RPS15: variants seen among roughly 807,000 people sequenced by gnomAD.
RPS15 encodes the protein small ribosomal subunit protein uS19.
RPS15 carries 5 observed loss-of-function variants against 14.9 expected under a neutral mutation model. The ratio of observed to expected loss-of-function variants is 0.34; its 90% CI spans 0.18 to 0.70. RPS15 has a LOEUF of 0.70. Ranked by LOEUF, RPS15 falls within the 30% of genes least tolerant of loss-of-function variation. The pLI is 0.65. For synonymous variants in RPS15, 103 were observed against 85.0 expected, an observed-to-expected ratio of 1.21 and a Z score of -1.16; for missense variants, 102 against 204.2, an observed-to-expected ratio of 0.50 and a Z score of 3.05.
Position 1,438,697 on chromosome 19 carries a change from C to G in RPS15, c.4-110C>G. 6.5e-7 allele frequency: 1 copy of G among 1,531,398 alleles called. No individual in the cohort carries two copies. The highest frequency in any genetic ancestry group is 8.8e-7 in the Non-Finnish European group (1 of 1,131,830). 94.9% of individuals were successfully genotyped at this position (1,531,398 alleles called of 1,614,324 possible). On this transcript the variant is annotated intron_variant, in intron 1 of 3. Coordinates refer to ENST00000592588, the MANE Select transcript of RPS15 (RefSeq NM_001018.5). The surrounding 1 kb of genome is among the most constrained non-coding windows in gnomAD (Gnocchi z 4.8). Reference sequence around the variant, plus strand: ...ACGGGTCGAAGCGGTGTGTCCCTGTCGGGCTTCTGTCCCCGGCGGCGCCGC... The same window carrying G: ...ACGGGTCGAAGCGGTGTGTCCCTGTGGGGCTTCTGTCCCCGGCGGCGCCGC...
Position 1,438,549 on chromosome 19 carries a change from G to A in RPS15, c.3+121G>A, listed in dbSNP as rs1409546182. The A allele has an allele frequency of 1.3e-6, 2 of 1,583,444 alleles. No individual in the cohort carries two copies. Among genetic ancestry groups the A allele is most frequent in the Admixed American group, 1.8e-5 (1 of 55,560 alleles). Reference sequence around the variant, plus strand: ...CGGCGGCTTGCTCCCGACCCTGCAGGCGGCTGGATGTTGGGGCGAGGGGCG... The same window carrying A: ...CGGCGGCTTGCTCCCGACCCTGCAGACGGCTGGATGTTGGGGCGAGGGGCG... On this transcript the variant is annotated intron_variant, in intron 1 of 3. Coordinates refer to ENST00000592588, the MANE Select transcript of RPS15 (RefSeq NM_001018.5). This position sits in a 1 kb window ranked among gnomAD's most constrained non-coding sequence, Gnocchi z 4.8.
In RPS15 at chr19:1,438,643, T is replaced by TA. The variant is rs1262218674; in HGVS notation, c.4-162dup. ...CCGGGCCTTCATGTCCGGGTCCTCG[T>TA]AACCCGGAGCCGCGAGTGATCCCCG... On this transcript the variant is annotated intron_variant, in intron 1 of 3. Transcript: ENST00000592588. This position sits in a 1 kb window ranked among gnomAD's most constrained non-coding sequence, Gnocchi z 4.8. 6.5e-7 allele frequency: 1 copy of TA among 1,530,920 alleles called. No homozygotes were observed. The highest frequency in any genetic ancestry group is 2.5e-5 in the East Asian group (1 of 40,606). The allele number at this position is 1,530,920 out of a possible 1,614,324, so 94.8% of individuals were successfully genotyped here.
At chr19:1,439,221 C>T (rs2083633788) in intron 2 of RPS15, 2 of 330,292 alleles carry the variant, frequency 6.1e-6, no homozygotes, top group Non-Finnish European at 1.1e-5. Flanking sequence ...GGGTCCTTTC[C>T]AGGCAGGGTG....
At chr19:1,439,842 C>G (rs1291853114) in intron 2 of RPS15, 177 bp from the exon 3 acceptor site, 1 of 653,182 alleles carries the variant, frequency 1.5e-6, no homozygotes, top group Non-Finnish European at 2.8e-6. Flanking sequence ...TCGCGCATAT[C>G]TGGCGGGGGT....
rs768761662 is a variant in RPS15 at position 1,440,187 on chromosome 19, A to G, written c.258A>G (p.Leu86=). The G allele has an allele frequency of 6.2e-7, 1 of 1,612,882 alleles. No individual in the cohort carries two copies. The highest frequency in any genetic ancestry group is 1.3e-5 in the African/African-American group (1 of 74,926). Residue 86 remains leucine (L), a synonymous_variant, in exon 3 of 4, where the codon CTA becomes CTG. Transcript: ENST00000592588. ...VKTHLRDMII[L]PEMVGSMVGV... is the part of the protein sequence containing the mutation. ...CGCACCTGCGGGACATGATCATCCT[A>G]CCCGAGATGGTGGGCAGCATGGTGG...
At position 1,438,678 on chromosome 19, in the gene RPS15, C is replaced by A; in HGVS notation, c.4-129C>A. The A allele has an allele frequency of 6.5e-7, 1 of 1,532,084 alleles. No homozygotes were observed. Among genetic ancestry groups the A allele is most frequent in the South Asian group, 1.2e-5 (1 of 83,320 alleles). The allele number at this position is 1,532,084 out of a possible 1,614,324, so 94.9% of individuals were successfully genotyped here. A position where few individuals can be genotyped will look rare whatever the true frequency, so the allele number is the denominator to read the frequency against. On this transcript the variant is annotated intron_variant, in intron 1 of 3. Coordinates refer to ENST00000592588, the MANE Select transcript of RPS15 (RefSeq NM_001018.5). The surrounding 1 kb of genome is among the most constrained non-coding windows in gnomAD (Gnocchi z 4.8). ...CCGCGAGTGATCCCCGGGGACGGGT[C>A]GAAGCGGTGTGTCCCTGTCGGGCTT...
chr19:1,439,116 T>G (rs538748113), intron 2 of RPS15: 5 of 544,554 alleles, frequency 9.2e-6, no homozygotes, highest in Middle Eastern at 4.9e-4. Context: ...TTTCCGCGGC[T>G]TAGTTGGAAG....
At chr19:1,439,197 C>A (rs1009950655) in intron 2 of RPS15, 1 of 363,872 alleles carries the variant, frequency 2.7e-6, no homozygotes, top group Non-Finnish European at 4.9e-6. Context: ...ATTTTAAGGG[C>A]GGTGGAGGTC....
rs1172700836 is a variant in RPS15, at chr19:1,438,840, C to T, written c.37C>T (p.Arg13Cys). The change falls in exon 2 of 4, where the codon CGC (arginine) becomes TGC (cysteine). Residue 13 changes from arginine (R) to cysteine (C), a missense_variant. Physicochemically the swap from Arg to Cys is radical, Grantham distance 180. Around this residue, in one of 2 missense-constraint regions of RPS15, gnomAD observed 70 missense variants for 96.8 expected, o/e 0.72. Coordinates refer to ENST00000592588, the MANE Select transcript of RPS15 (RefSeq NM_001018.5). This position sits in a 1 kb window ranked among gnomAD's most constrained non-coding sequence, Gnocchi z 4.8. Reference protein sequence around the residue: ...EVEQKKKRTFRKFTYRGVDLD... With the variant: ...EVEQKKKRTFCKFTYRGVDLD... ...AGAGCAGAAGAAGAAGCGGACCTTCCGCAAGTTCACCTACCGCGGCGTGGA... is the reference window on the plus strand; with the variant it reads ...AGAGCAGAAGAAGAAGCGGACCTTCTGCAAGTTCACCTACCGCGGCGTGGA... 6.3e-7 allele frequency: 1 copy of T among 1,597,030 alleles called. No homozygotes were observed. The highest frequency in any genetic ancestry group is 1.1e-5 in the South Asian group (1 of 88,806).
chr19:1,438,724 C>A lies in RPS15; in HGVS notation c.4-83C>A. On this transcript the variant is annotated intron_variant, in intron 1 of 3. Coordinates refer to ENST00000592588, the MANE Select transcript of RPS15 (RefSeq NM_001018.5). The surrounding 1 kb of genome is among the most constrained non-coding windows in gnomAD (Gnocchi z 4.8). Reference sequence around the variant, plus strand: ...GGCTTCTGTCCCCGGCGGCGCCGCGCGTCTTCCGCGGTGTCCTCGGGCCCG... The same window carrying A: ...GGCTTCTGTCCCCGGCGGCGCCGCGAGTCTTCCGCGGTGTCCTCGGGCCCG... The A allele has an allele frequency of 6.5e-7, 1 of 1,536,068 alleles. No homozygotes were observed. The highest frequency in any genetic ancestry group is 8.8e-7 in the Non-Finnish European group (1 of 1,135,524).
intron 2 of RPS15, 145 bp from the exon 3 acceptor site, chr19:1,439,874 C>G: frequency 1.4e-6 from 1 of 738,210 alleles, no homozygotes; most frequent in Non-Finnish European, 2.4e-6. Flanking sequence ...TTGGCGTGTT[C>G]ATTGTAGTCA....
At chr19:1,439,883 C>G in intron 2 of RPS15, 136 bp from the exon 3 acceptor site, 2 of 760,204 alleles carry the variant, frequency 2.6e-6, no homozygotes, top group Non-Finnish European at 4.5e-6. Flanking sequence ...TCATTGTAGT[C>G]ACTACAATGG....
At chr19:1,439,700 T>TC (rs1244111866) in intron 2 of RPS15, 1 of 583,880 alleles carries the variant, frequency 1.7e-6, no homozygotes, top group South Asian at 2.1e-5. Context: ...CTACCTGCCT[T>TC]CCCCTGCGTT....
chr19:1,440,169 G>A lies in RPS15; in HGVS notation c.240G>A (p.Leu80=). The A allele has an allele frequency of 1.2e-6, 2 of 1,612,670 alleles. No individual in the cohort carries two copies. The highest frequency in any genetic ancestry group is 1.3e-5 in the African/African-American group (1 of 75,066). ...MEKPEVVKTH[L]RDMIILPEMV... is the part of the protein sequence containing the mutation. Reference sequence around the variant, plus strand: ...AGCCGGAAGTGGTGAAGACGCACCTGCGGGACATGATCATCCTACCCGAGA... The same window carrying A: ...AGCCGGAAGTGGTGAAGACGCACCTACGGGACATGATCATCCTACCCGAGA... Residue 80 remains leucine, a synonymous_variant, in exon 3 of 4, where the codon CTG becomes CTA. Transcript: ENST00000592588.
At chr19:1,440,286 G>C in intron 3 of RPS15, 33 bp downstream of exon 3, 1 of 1,611,900 alleles carries the variant, frequency 6.2e-7, no homozygotes, top group African/African-American at 1.3e-5. Flanking sequence ...GCTGGGGTGG[G>C]CTGGGGTCGC....
chr19:1,438,933 G>A lies in RPS15; in HGVS notation c.89+41G>A. 1 of 1,530,596 alleles carries A rather than the reference G, an allele frequency of 6.5e-7. No individual in the cohort carries two copies. Among genetic ancestry groups the A allele is most frequent in the Non-Finnish European group, 8.8e-7 (1 of 1,130,496 alleles). 94.8% of individuals were successfully genotyped at this position (1,530,596 alleles called of 1,614,324 possible). On this transcript the variant is annotated intron_variant, in intron 2 of 3. Transcript: ENST00000592588. This position sits in a 1 kb window ranked among gnomAD's most constrained non-coding sequence, Gnocchi z 4.8. ...GGGGTCGCGGGCAGGGGCTGGGCCA[G>A]CGGTGGGGCTTGTCCGGGTGAGGGC... is the stretch of plus-strand genomic sequence containing the variant.
In RPS15 at chr19:1,439,692, A is replaced by C. The variant is rs1600267269; in HGVS notation, c.90-327A>C. The C allele has an allele frequency of 5.2e-6, 3 of 580,782 alleles. No homozygotes were observed. The East Asian group carries it at 8.5e-5, about 16-fold the overall frequency. The allele number at this position is 580,782 out of a possible 1,614,324, so 36.0% of individuals were successfully genotyped here. A position where few individuals can be genotyped will look rare whatever the true frequency, so the allele number is the denominator to read the frequency against. On this transcript the variant is annotated intron_variant, in intron 2 of 3. Transcript: ENST00000592588. ...TCACAGGCGGGAGCCACTGCGCCCT[A>C]CCTGCCTTCCCCTGCGTTTTTAGAG...
chr19:1,440,321 A>T (rs2083644588), intron 3 of RPS15, 28 bp from the exon 4 acceptor site: 1 of 1,611,274 alleles, frequency 6.2e-7, no homozygotes, highest in Admixed American at 1.7e-5. Context: ...ATCAGCTGAC[A>T]CCCAGCTTTG....
Position 1,440,000 on chromosome 19 carries a change from C to G in RPS15, c.90-19C>G. On this transcript the variant is annotated intron_variant, in intron 2 of 3. Transcript: ENST00000592588. The stretch of plus-strand genomic sequence containing the variant: ...CCAGGCCGGGCCGCTCACAAAACTG[C>G]CTGGTGCATCCTCCCCAGCGAGCAG... 1 of 1,541,936 alleles carries G rather than the reference C, an allele frequency of 6.5e-7. No homozygotes were observed. Among genetic ancestry groups the G allele is most frequent in the Non-Finnish European group, 8.7e-7 (1 of 1,144,322 alleles).
Sources: allele counts gnomAD v4.1 joint callset, GRCh38; gene constraint gnomAD v4.1.1; regional missense constraint gnomAD v4.1.1; non-coding constraint Gnocchi (gnomAD v3.1); transcripts MANE v1.5; gene names NCBI Gene and HGNC (gene_info 2026-07-23, HGNC 2026-07-21).